Variants in DMD observed in about 807,000 individuals in gnomAD.
DMD encodes the protein dystrophin.
A neutral mutation model predicts 330.1 loss-of-function variants in DMD; 63 were observed. The ratio of observed to expected loss-of-function variants is 0.19; its 90% CI spans 0.16 to 0.24. The LOEUF (loss-of-function observed/expected upper bound fraction) is 0.24, where lower values mean the gene tolerates loss of function less well. Ranked by LOEUF, DMD falls within the 10% of genes least tolerant of loss-of-function variation. The pLI is 1.00. For synonymous variants in DMD, 1,223 were observed against 959.8 expected, an observed-to-expected ratio of 1.27 and a Z score of -5.07; for missense variants, 3,344 against 2,684.1, an observed-to-expected ratio of 1.25 and a Z score of -5.43.
chrX:33,280,584 A>G (rs890781678), intron 1 of DMD, among the ~76,000 whole-genome samples: 3 of 111,855 alleles, frequency 2.7e-5, no homozygotes, highest in Non-Finnish European at 5.6e-5. Context: ...AAAGGGACAC[A>G]AGGAAACTTT....
chrX:31,274,301 TG>T (rs2051913008), intron 62 of DMD, among the ~76,000 whole-genome samples: 1 of 112,197 alleles, frequency 8.9e-6, no homozygotes, highest in Admixed American at 9.4e-5. Flanking sequence ...TATCATTCAG[TG>T]GGGCCGAGAT....
At chrX:32,510,608 C>G (rs1603635158) in intron 18 of DMD, among the ~76,000 whole-genome samples, 3 of 111,547 alleles carry the variant, frequency 2.7e-5, no homozygotes, top group Middle Eastern at 4.6e-3. Flanking sequence ...AAGGCGAGCT[C>G]TATTTTAGCG....
chrX:33,012,265 T>C (rs757977988), intron 2 of DMD, among the ~76,000 whole-genome samples: 1 of 111,715 alleles, frequency 9.0e-6, no homozygotes, highest in Non-Finnish European at 1.9e-5. Flanking sequence ...AACCATTTAG[T>C]ATAATCATCT....
At chrX:31,451,835 T>TAA (rs34070592) in intron 59 of DMD, among the ~76,000 whole-genome samples, 4 of 101,367 alleles carry the variant, frequency 3.9e-5, no homozygotes, top group East Asian at 3.1e-4. Flanking sequence ...AAACGTACTT[T>TAA]AAAAAAAAAA....
intron 52 of DMD, among the ~76,000 whole-genome samples, chrX:31,721,744 A>ATATC (rs1947342375): frequency 1.1e-5 from 1 of 88,676 alleles, no homozygotes; most frequent in East Asian, 3.6e-4. Context: ...ATATATATAT[A>ATATC]TCTCCTAATT....
intron 1 of DMD, among the ~76,000 whole-genome samples, chrX:33,154,735 C>T (rs2048425742): frequency 1.8e-5 from 2 of 111,309 alleles, no homozygotes; most frequent in Admixed American, 1.9e-4. Flanking sequence ...TCTACATAAA[C>T]TCTATTCATG....
intron 42 of DMD, among the ~76,000 whole-genome samples, chrX:32,301,431 T>C (rs756885448): frequency 9.1e-6 from 1 of 110,107 alleles, no homozygotes; most frequent in South Asian, 3.8e-4. Context: ...AAGTTCTTGT[T>C]TTTTTTCCAT....
At chrX:33,221,520 TA>T in intron 1 of DMD, among the ~76,000 whole-genome samples, 1 of 110,802 alleles carries the variant, frequency 9.0e-6, no homozygotes, top group East Asian at 2.8e-4. Context: ...AAGAAAATAA[TA>T]AAGAGTAAAA....
At chrX:32,842,510 C>T (rs1277368071) in intron 4 of DMD, among the ~76,000 whole-genome samples, 1 of 108,952 alleles carries the variant, frequency 9.2e-6, no homozygotes, top group East Asian at 2.8e-4. Flanking sequence ...GCCCAAAAAA[C>T]CTCCCAAAAC....
chrX:32,603,956 T>G (rs2056449758), intron 12 of DMD, among the ~76,000 whole-genome samples: 1 of 111,277 alleles, frequency 9.0e-6, no homozygotes, highest in African/African-American at 3.3e-5. Context: ...TTGTAACTGT[T>G]GCAAAATATC....
chrX:31,346,072 G>T (rs2058063204), intron 61 of DMD, among the ~76,000 whole-genome samples: 1 of 110,957 alleles, frequency 9.0e-6, no homozygotes, highest in African/African-American at 3.3e-5. Flanking sequence ...GAAAGGAAAT[G>T]ATCAGAAAAT....
At chrX:32,821,136 C>T (rs993167249) in intron 5 of DMD, among the ~76,000 whole-genome samples, 4 of 111,139 alleles carry the variant, frequency 3.6e-5, no homozygotes, top group East Asian at 2.9e-4. Flanking sequence ...CCCCTCTCCC[C>T]GCTTACTGTT....
chrX:33,121,263 C>G (rs1371100041), intron 1 of DMD, among the ~76,000 whole-genome samples: 1 of 106,702 alleles, frequency 9.4e-6, no homozygotes, highest in Admixed American at 1.0e-4. Context: ...CGGAGTCTTC[C>G]TCTGTCTCTC....
intron 48 of DMD, among the ~76,000 whole-genome samples, chrX:31,859,916 C>G (rs747203665): frequency 1.1e-3 from 120 of 111,838 alleles, no homozygotes; most frequent in Non-Finnish European, 7.0e-4. Context: ...ATTGTTTCTG[C>G]ACCGCGTTCT....
chrX:33,257,932 A>G (rs1435010687), intron 1 of DMD, among the ~76,000 whole-genome samples: 2 of 110,969 alleles, frequency 1.8e-5, no homozygotes, highest in Non-Finnish European at 3.8e-5. Context: ...CAAAAGATCA[A>G]ACTGTTGTAT....
At chrX:31,832,864 G>T (rs1361903172) in intron 49 of DMD, among the ~76,000 whole-genome samples, 1 of 112,196 alleles carries the variant, frequency 8.9e-6, no homozygotes, top group African/African-American at 3.2e-5. Context: ...TTAACTGAAA[G>T]TGTAGTTTTC....
chrX:31,938,476 T>C (rs2150033106), intron 45 of DMD, among the ~76,000 whole-genome samples: 1 of 111,926 alleles, frequency 8.9e-6, no homozygotes, highest in South Asian at 3.7e-4. Context: ...GTACAAAATA[T>C]TATGTCATTA....
intron 74 of DMD, among the ~76,000 whole-genome samples, chrX:31,163,325 C>A (rs891777273): frequency 9.0e-6 from 1 of 111,703 alleles, no homozygotes; most frequent in Non-Finnish European, 1.9e-5. Flanking sequence ...TGCACATGCT[C>A]TCTTGCCTGC....
At chrX:31,957,716 G>A (rs917345353) in intron 45 of DMD, among the ~76,000 whole-genome samples, 2 of 111,644 alleles carry the variant, frequency 1.8e-5, no homozygotes, top group Non-Finnish European at 3.8e-5. Context: ...AATAAATTTA[G>A]ACTTATATTA....
Sources: allele counts gnomAD v4.1 joint callset (sites outside exome capture counted in the v4.1 genomes callset), GRCh38; gene constraint gnomAD v4.1.1; transcripts MANE v1.5; gene names NCBI Gene and HGNC (gene_info 2026-07-23, HGNC 2026-07-21).